Variants in GABRB3 observed in about 807,000 individuals in gnomAD.
GABRB3 encodes the protein gamma-aminobutyric acid receptor subunit beta-3.
In GABRB3, 14 loss-of-function variants were observed where a neutral mutation model predicts 52.1. The observed-to-expected ratio is 0.27, with a 90% confidence interval of 0.18 to 0.42. GABRB3 has a LOEUF of 0.42. Ranked by LOEUF, GABRB3 falls within the 10% of genes least tolerant of loss-of-function variation. The pLI is 1.00. For missense variants in GABRB3, 307 were observed against 609.1 expected (o/e 0.50, Z 5.22); for synonymous variants, 260 against 232.3 (o/e 1.12, Z -1.08).
intron 3 of GABRB3, chr15:26,656,973 G>C (rs779644848): frequency 2.0e-5 from 3 of 152,218 alleles, no homozygotes; most frequent in Non-Finnish European, 4.4e-5. Context: ...CTGTCTCAGA[G>C]TGAAAAGTAG....
intron 8 of GABRB3, among the ~76,000 whole-genome samples, chr15:26,556,179 A>G (rs190638013): frequency 2.0e-5 from 3 of 152,324 alleles, no homozygotes; most frequent in Admixed American, 2.0e-4. Context: ...ATTGATTTCA[A>G]TGAAGTTTTT....
intron 3 of GABRB3, among the ~76,000 whole-genome samples, chr15:26,653,366 T>C (rs1019748827): frequency 6.6e-6 from 1 of 152,152 alleles, no homozygotes; most frequent in Non-Finnish European, 1.5e-5. Context: ...TTCTAATGCA[T>C]CAGGTGGCAC....
At chr15:26,607,453 T>C (rs1891879392) in intron 4 of GABRB3, among the ~76,000 whole-genome samples, 2 of 152,102 alleles carry the variant, frequency 1.3e-5, no homozygotes, top group South Asian at 4.1e-4. Context: ...ACACCTTTAG[T>C]GACAGCTACT....
At chr15:26,665,158 C>A (rs573105595) in intron 3 of GABRB3, among the ~76,000 whole-genome samples, 3 of 152,102 alleles carry the variant, frequency 2.0e-5, no homozygotes, top group Non-Finnish European at 4.4e-5. Flanking sequence ...TAACTATAGT[C>A]GCCCTACTGT....
chr15:26,606,772 A>ATCGATAGATAGATATATC (rs1566770499), intron 4 of GABRB3, among the ~76,000 whole-genome samples: 2,572 of 81,362 alleles, frequency 0.032, 118 homozygotes, highest in Non-Finnish European at 0.052. Context: ...GTCTATCTAT[A>ATCGATAGATAGATATATC]GATAGATAGA....
At chr15:26,733,032 TCA>T (rs1889975299) in intron 3 of GABRB3, among the ~76,000 whole-genome samples, 3 of 151,230 alleles carry the variant, frequency 2.0e-5, no homozygotes, top group Non-Finnish European at 4.4e-5. Context: ...TATGAAAAAC[TCA>T]CAGTGAACAT....
At chr15:26,647,787 G>A (rs1328904006) in intron 3 of GABRB3, among the ~76,000 whole-genome samples, 1 of 152,184 alleles carries the variant, frequency 6.6e-6, no homozygotes, top group Non-Finnish European at 1.5e-5. Context: ...GATAAGGCAG[G>A]ATCCCAGAGC....
rs1026879076 is a variant in GABRB3, at chr15:26,639,386, A to AT, written c.241-17853dup. Among the ~76,000 whole-genome samples the AT allele has an allele frequency of 2.0e-5, 3 of 151,984 alleles. No homozygotes were observed. In the East Asian group the frequency reaches 5.8e-4, roughly 29 times the overall value. On this transcript the variant is annotated intron_variant, in intron 3 of 8. Transcript: ENST00000311550. ...GGTTATGTCTGTACCAAACAGGTAC[A>AT]TTTTTTTCCTGTAATTATTCCCTAA...
rs868500530 is a variant in GABRB3 at position 26,772,922 on chromosome 15, G to T, written c.41C>A (p.Ser14Ter). ...CACCACAGCCACCAGCACCGGGGCC[G>T]AGAAGATGCCGAAAAGCCTTCCTCC... is the stretch of plus-strand genomic sequence containing the variant. ...LAGGRLFGIF[S>*]APVLVAVVCC... is the part of the protein sequence containing the mutation. The change falls in exon 1 of 9, where the codon TCG becomes TAG. Residue 14 changes from serine (S) to a stop codon, truncating the protein, a stop_gained. Coordinates refer to ENST00000311550, the MANE Select transcript of GABRB3 (RefSeq NM_000814.6). LOFTEE classifies it high-confidence loss of function. The T allele has an allele frequency of 6.7e-7, 1 of 1,495,124 alleles. No individual in the cohort carries two copies. The highest frequency in any genetic ancestry group is 8.9e-7 in the Non-Finnish European group (1 of 1,120,926). 92.6% of individuals were successfully genotyped at this position (1,495,124 alleles called of 1,614,324 possible). A position where few individuals can be genotyped will look rare whatever the true frequency, so the allele number is the denominator to read the frequency against.
intron 3 of GABRB3, among the ~76,000 whole-genome samples, chr15:26,748,655 A>T (rs967570522): frequency 1.3e-5 from 2 of 152,026 alleles, no homozygotes; most frequent in African/African-American, 4.8e-5. Flanking sequence ...AAAAATTTTT[A>T]TTTGATTAAC....
intron 7 of GABRB3, 126 bp downstream of exon 7, chr15:26,567,455 A>G (rs1890220845): frequency 1.2e-6 from 1 of 833,520 alleles, no homozygotes; most frequent in Admixed American, 2.0e-5. Flanking sequence ...ATAAAAAGTG[A>G]CTATACAGGC....
At chr15:26,709,856 T>C (rs1328232616) in intron 3 of GABRB3, among the ~76,000 whole-genome samples, 2 of 152,174 alleles carry the variant, frequency 1.3e-5, no homozygotes, top group African/African-American at 2.4e-5. Flanking sequence ...GCCTCCAGTA[T>C]TCCTTTATAG....
intron 6 of GABRB3, among the ~76,000 whole-genome samples, chr15:26,569,685 G>C (rs764915432): frequency 1.3e-5 from 2 of 152,224 alleles, no homozygotes; most frequent in Non-Finnish European, 2.9e-5. Context: ...TAAAGCTTTT[G>C]ATAAATATTG....
intron 3 of GABRB3, among the ~76,000 whole-genome samples, chr15:26,686,504 C>T (rs566757051): frequency 3.9e-5 from 6 of 152,302 alleles, no homozygotes; most frequent in South Asian, 2.1e-4. Context: ...CTCTAAAAAT[C>T]ATGCAACTCC....
intron 4 of GABRB3, among the ~76,000 whole-genome samples, chr15:26,606,627 A>G (rs1891804105): frequency 6.6e-6 from 1 of 152,112 alleles, no homozygotes. Flanking sequence ...CTTTAATTCA[A>G]CACAATAATA....
intron 3 of GABRB3, among the ~76,000 whole-genome samples, chr15:26,757,382 G>A (rs1595350535): frequency 6.6e-6 from 1 of 152,024 alleles, no homozygotes; most frequent in African/African-American, 2.4e-5. Flanking sequence ...TTGCTCACTC[G>A]CTCCTGGGCT....
chr15:26,570,308 C>T (rs1890346227), intron 6 of GABRB3, among the ~76,000 whole-genome samples: 1 of 152,206 alleles, frequency 6.6e-6, no homozygotes, highest in African/African-American at 2.4e-5. Context: ...GGCTTCCCTT[C>T]ATATACATTT....
At chr15:26,757,171 T>C (rs1890685881) in intron 3 of GABRB3, among the ~76,000 whole-genome samples, 1 of 152,178 alleles carries the variant, frequency 6.6e-6, no homozygotes, top group South Asian at 2.1e-4. Context: ...ATTTTACCAT[T>C]TTTTGCTATT....
chr15:26,590,295 G>C (rs997702537), intron 4 of GABRB3: 8 of 152,150 alleles, frequency 5.3e-5, no homozygotes, highest in African/African-American at 1.9e-4. Context: ...AGCTCCTTTG[G>C]TGTGACTTCT....
Sources: allele counts gnomAD v4.1 joint callset (sites outside exome capture counted in the v4.1 genomes callset), GRCh38; gene constraint gnomAD v4.1.1; transcripts MANE v1.5; gene names NCBI Gene and HGNC (gene_info 2026-07-23, HGNC 2026-07-21).